Variants in TUBGCP6 observed in about 807,000 individuals in gnomAD.
TUBGCP6 encodes gamma-tubulin complex component 6.
Under a neutral mutation model 175.8 loss-of-function variants are expected in TUBGCP6, and 161 were observed. The ratio of observed to expected loss-of-function variants is 0.92; its 90% CI spans 0.81 to 1.04. The LOEUF (loss-of-function observed/expected upper bound fraction) is 1.04. Ranked by LOEUF, TUBGCP6 falls within the 50% of genes least tolerant of loss-of-function variation. The pLI, the probability that TUBGCP6 is intolerant of heterozygous loss-of-function variation, is 0.00. For missense variants in TUBGCP6, 2,572 were observed against 2,433.0 expected, an observed-to-expected ratio of 1.06 and a Z score of -1.20; for synonymous variants, 1,173 against 1,030.5, an observed-to-expected ratio of 1.14 and a Z score of -2.65.
chr22:50,229,645 C>A, intron 3 of TUBGCP6, 68 bp from the exon 4 acceptor site: 1 of 1,495,032 alleles, frequency 6.7e-7, no homozygotes, highest in Non-Finnish European at 9.0e-7. Flanking sequence ...GTGCCGTCTC[C>A]CTCCACCCTT....
At chr22:50,227,387 G>C (rs1449810983) in intron 5 of TUBGCP6, among the ~76,000 whole-genome samples, 1 of 152,068 alleles carries the variant, frequency 6.6e-6, no homozygotes, top group Non-Finnish European at 1.5e-5. Flanking sequence ...CTGCACCTGA[G>C]AGCCCCTCCC....
At position 50,236,140 on chromosome 22, in the gene TUBGCP6, C is replaced by T. The variant is rs965576178; in HGVS notation, c.906-2614G>A. ...AGATGGATACAGAAAAAAAAATTCA[C>T]AATTTTTTTTTTTGAGACGGAGTCT... On this transcript the variant is annotated intron_variant, in intron 2 of 24. Coordinates refer to ENST00000248846, the MANE Select transcript of TUBGCP6 (RefSeq NM_020461.4). 1.1e-4 allele frequency among the ~76,000 whole-genome samples: 17 copies of T among 151,790 alleles called. No homozygotes were observed. The East Asian group carries it at 3.3e-3, about 30-fold the overall frequency.
chr22:50,240,126 C>A (rs1183035046), intron 2 of TUBGCP6, 78 bp downstream of exon 2: 14 of 1,583,422 alleles, frequency 8.8e-6, no homozygotes, highest in Non-Finnish European at 1.2e-5. Context: ...GTACACAACG[C>A]CCCCCACACA....
In TUBGCP6 at chr22:50,227,062, G is replaced by A. The variant is rs1166672749; in HGVS notation, c.1428C>T (p.Leu476=). 6.2e-7 allele frequency: 1 copy of A among 1,611,614 alleles called. No individual in the cohort carries two copies. The highest frequency in any genetic ancestry group is 8.5e-7 in the Non-Finnish European group (1 of 1,179,312). Residue 476 remains leucine, a synonymous_variant, in exon 6 of 25, where the codon CTC becomes CTT. Coordinates refer to ENST00000248846, the MANE Select transcript of TUBGCP6 (RefSeq NM_020461.4). ...CCGGGAGCACAGCGCCAACGCCACAGAGCTCGGCCAGGTACCTAGACCCAG... is the reference window on the plus strand; with the variant it reads ...CCGGGAGCACAGCGCCAACGCCACAAAGCTCGGCCAGGTACCTAGACCCAG... ...LGRQLRYLAE[L]CGVGAVLPGT...
intron 3 of TUBGCP6, among the ~76,000 whole-genome samples, chr22:50,231,899 G>GA (rs984664245): frequency 6.7e-6 from 1 of 150,318 alleles, no homozygotes; most frequent in African/African-American, 2.4e-5. Flanking sequence ...GAAAACAAGA[G>GA]AAAAAAATCA....
chr22:50,221,159 A>G lies in TUBGCP6; in HGVS notation c.3200T>C (p.Val1067Ala), dbSNP rs768909811. ...SDASIRVGEN[V>A]SDVAPTQPRW... ...TGGCTGGGTGGGAGCCACATCTGAC[A>G]CATTCTCCCCGACCCTGATGCTGGC... Residue 1067 changes from valine (V) to alanine (A), a missense_variant, in exon 16 of 25, where the codon GTG (valine) becomes GCG (alanine). Transcript: ENST00000248846. 44 of 1,606,822 alleles carry G rather than the reference A, an allele frequency of 2.7e-5. 1 individual carries two copies. The South Asian group carries it at 4.5e-4, about 16-fold the overall frequency.
At chr22:50,235,212 C>G (rs1414841879) in intron 2 of TUBGCP6, among the ~76,000 whole-genome samples, 1 of 152,134 alleles carries the variant, frequency 6.6e-6, no homozygotes, top group South Asian at 2.1e-4. Context: ...TCCCTGTCCA[C>G]GGCAGCATCA....
intron 4 of TUBGCP6, among the ~76,000 whole-genome samples, chr22:50,229,169 A>G (rs2064657079): frequency 6.6e-6 from 1 of 151,786 alleles, no homozygotes; most frequent in African/African-American, 2.4e-5. Flanking sequence ...TGCCTCCTAC[A>G]CACCCCAGGG....
At chr22:50,229,763 C>T (rs959173522) in intron 3 of TUBGCP6, among the ~76,000 whole-genome samples, 186 bp from the exon 4 acceptor site, 1 of 152,212 alleles carries the variant, frequency 6.6e-6, no homozygotes, top group Non-Finnish European at 1.5e-5. Flanking sequence ...CACAAATCCT[C>T]ACTGACCACA....
In TUBGCP6 at chr22:50,218,209, G is replaced by A. The variant is rs745938441; in HGVS notation, c.5148C>T (p.Tyr1716=). 1.2e-6 allele frequency: 2 copies of A among 1,612,096 alleles called. No individual in the cohort carries two copies. Among genetic ancestry groups the A allele is most frequent in the East Asian group, 2.2e-5 (1 of 44,880 alleles). The change falls in exon 23 of 25, where the codon TAC becomes TAT. Residue 1716 remains tyrosine (Y), a synonymous_variant. Transcript: ENST00000248846. ...LEEIQRAHAE[Y]LHKAVFRGLL... The stretch of plus-strand genomic sequence containing the variant: ...CTCACCTGAAGACGGCCTTGTGCAG[G>A]TACTCTGCGTGCGCACGCTGGATCT...
intron 3 of TUBGCP6, among the ~76,000 whole-genome samples, chr22:50,230,915 C>T (rs1313365215): frequency 6.7e-6 from 1 of 150,234 alleles, no homozygotes; most frequent in African/African-American, 2.5e-5. Flanking sequence ...GAAAACCCAT[C>T]TCTAATAAAA....
chr22:50,228,675 G>A (rs2064650420), intron 4 of TUBGCP6, among the ~76,000 whole-genome samples: 1 of 151,986 alleles, frequency 6.6e-6, no homozygotes, highest in African/African-American at 2.4e-5. Flanking sequence ...AAGTCCCCCG[G>A]GGCTGAGCCT....
Position 50,219,737 on chromosome 22 carries a change from C to T in TUBGCP6, c.4222G>A (p.Ala1408Thr). The T allele has an allele frequency of 6.2e-7, 1 of 1,613,828 alleles. No individual in the cohort carries two copies. The highest frequency in any genetic ancestry group is 8.5e-7 in the Non-Finnish European group (1 of 1,180,010). Reference protein sequence around the residue: ...PGRGEEAEASAAEAQGGEQAY... With the variant: ...PGRGEEAEASTAEAQGGEQAY... ...TGCTCCCCACCCTGAGCCTCCGCCGCCGATGCCTCCGCCTCCTCACCACGG... is the reference window on the plus strand; with the variant it reads ...TGCTCCCCACCCTGAGCCTCCGCCGTCGATGCCTCCGCCTCCTCACCACGG... The change falls in exon 18 of 25, where the codon GCG (alanine) becomes ACG (threonine). Residue 1408 changes from alanine (A) to threonine (T), a missense_variant. Ala to Thr is a moderately conservative substitution (Grantham distance 58, BLOSUM62 0). Transcript: ENST00000248846.
Position 50,217,948 on chromosome 22 carries a change from AGGT to A in TUBGCP6, c.5335_5337del (p.Thr1779del). ...AAGAGAAAGTGGGAGTAGTACTTGA[AGGT>A]GTTGTAGGACTGCTGCATGAGTGCA... is the stretch of plus-strand genomic sequence containing the variant. On this transcript the variant is annotated inframe_deletion, in exon 24 of 25. Transcript: ENST00000248846. 1.2e-6 allele frequency: 2 copies of A among 1,608,088 alleles called. No individual in the cohort carries two copies. Among genetic ancestry groups the A allele is most frequent in the Non-Finnish European group, 1.7e-6 (2 of 1,176,810 alleles).
intron 1 of TUBGCP6, 75 bp from the exon 2 acceptor site, chr22:50,240,442 G>A (rs1339946815): frequency 1.3e-6 from 2 of 1,561,090 alleles, no homozygotes; most frequent in Non-Finnish European, 1.8e-6. Context: ...GAGAATTTCA[G>A]GAACTTTATG....
chr22:50,221,546 G>A lies in TUBGCP6; in HGVS notation c.2813C>T (p.Pro938Leu). The change falls in exon 16 of 25, where the codon CCC becomes CTC. Residue 938 changes from proline to leucine, a missense_variant. Transcript: ENST00000248846. The stretch of plus-strand genomic sequence containing the variant: ...GGAGGGCTGAGTGCTGGCTGCTGCG[G>A]GTGCCTCCCCAGGAGCTGAGGGGGG... ...DLPPSAPGEA[P>L]AAASTQPSRP... The A allele has an allele frequency of 6.3e-7, 1 of 1,587,376 alleles. No homozygotes were observed. The highest frequency in any genetic ancestry group is 8.6e-7 in the Non-Finnish European group (1 of 1,165,062).
chr22:50,226,100 T>C lies in TUBGCP6; in HGVS notation c.1783A>G (p.Ile595Val), dbSNP rs772517777. ...PVFLKHIAHD[I>V]YVCGKTINLL... Reference sequence around the variant, plus strand: ...TTAATGGTCTTTCCGCAGACGTATATGTCGTGGGCAATGTGCTTCAGAAAC... The same window carrying C: ...TTAATGGTCTTTCCGCAGACGTATACGTCGTGGGCAATGTGCTTCAGAAAC... Residue 595 changes from isoleucine to valine, a missense_variant, in exon 9 of 25, where the codon ATA becomes GTA. Ile to Val is a conservative substitution (Grantham distance 29). Coordinates refer to ENST00000248846, the MANE Select transcript of TUBGCP6 (RefSeq NM_020461.4). 3.7e-6 allele frequency: 6 copies of C among 1,614,180 alleles called. No homozygotes were observed. In the Admixed American group the frequency reaches 8.3e-5, roughly 22 times the overall value.
At chr22:50,225,593 ACCC>A (rs1351003024) in intron 10 of TUBGCP6, among the ~76,000 whole-genome samples, 198 bp downstream of exon 10, 32 of 64,242 alleles carry the variant, frequency 5.0e-4, no homozygotes, top group African/African-American at 2.7e-3. Context: ...CTTGGCACCC[ACCC>A]TTCATCTCAA....
rs1248412272 is a variant in TUBGCP6 at position 50,233,345 on chromosome 22, C to T, written c.1087G>A (p.Val363Ile). ...VKDVLNVLIG[V>I]VSATFSLCQP... The stretch of plus-strand genomic sequence containing the variant: ...CAGAGCGAAAACGTGGCAGACACGA[C>T]CCCAATCAAGACGTTCAGCACGTCT... Residue 363 changes from valine (V) to isoleucine (I), a missense_variant, in exon 3 of 25, where the codon GTC (valine) becomes ATC (isoleucine). Transcript: ENST00000248846. 1 of 1,613,814 alleles carries T rather than the reference C, an allele frequency of 6.2e-7. No individual in the cohort carries two copies. The highest frequency in any genetic ancestry group is 2.2e-5 in the East Asian group (1 of 44,886).
Sources: gnomAD v4.1 joint callset for allele counts (sites outside exome capture counted in the v4.1 genomes callset) on GRCh38, gnomAD v4.1.1 for gene constraint, MANE v1.5 for transcripts, NCBI Gene and HGNC (gene_info 2026-07-23, HGNC 2026-07-21) for gene names.